MAST4: variants seen among roughly 807,000 people sequenced by gnomAD.
The protein encoded by MAST4 is microtubule associated serine/threonine kinase family member 4, also known as microtubule-associated serine/threonine-protein kinase 4.
A neutral mutation model predicts 162.7 loss-of-function variants in MAST4; 89 were observed. That is an observed-to-expected ratio of 0.55 (90% CI 0.46 to 0.65). The LOEUF is 0.65. Ranked by LOEUF, MAST4 falls within the 30% of genes least tolerant of loss-of-function variation. The pLI, the probability that MAST4 is intolerant of heterozygous loss-of-function variation, is 0.00. For missense variants in MAST4, 3,153 were observed against 3,374.0 expected (o/e 0.93, Z 1.62); for synonymous variants, 1,479 against 1,361.1 (o/e 1.09, Z -1.91).
chr5:67,010,033 G>A (rs1477423803), intron 4 of MAST4, among the ~76,000 whole-genome samples: 1 of 152,178 alleles, frequency 6.6e-6, no homozygotes, highest in Non-Finnish European at 1.5e-5. Context: ...ACTTATGAGA[G>A]TGAGGCGGGG....
At chr5:66,651,367 C>T (rs1290786255) in intron 1 of MAST4, among the ~76,000 whole-genome samples, 2 of 151,934 alleles carry the variant, frequency 1.3e-5, no homozygotes, top group Non-Finnish European at 1.5e-5. Context: ...ATACTTTTCC[C>T]CCTGAGGACC....
intron 3 of MAST4, among the ~76,000 whole-genome samples, chr5:66,841,010 G>A (rs1193438786): frequency 6.6e-6 from 1 of 152,090 alleles, no homozygotes; most frequent in Admixed American, 6.6e-5. Context: ...TTGAATGTTG[G>A]CCCACCACTT....
At chr5:66,723,187 T>C (rs961393180) in intron 1 of MAST4, among the ~76,000 whole-genome samples, 1 of 152,174 alleles carries the variant, frequency 6.6e-6, no homozygotes, top group African/African-American at 2.4e-5. Context: ...TTAGGTACCA[T>C]TTTAAATCAG....
chr5:66,970,961 C>T (rs1747355587), intron 4 of MAST4, among the ~76,000 whole-genome samples: 1 of 152,202 alleles, frequency 6.6e-6, no homozygotes, highest in Non-Finnish European at 1.5e-5. Flanking sequence ...CTTTCAAAAC[C>T]TCCAGGTTTG....
Position 67,164,369 on chromosome 5 carries a change from G to A in MAST4, c.5190G>A (p.Gln1730=). 2 of 1,613,984 alleles carry A rather than the reference G, an allele frequency of 1.2e-6. No individual in the cohort carries two copies. The highest frequency in any genetic ancestry group is 8.5e-7 in the Non-Finnish European group (1 of 1,179,866). The change falls in exon 29 of 29, where the codon CAG becomes CAA. Residue 1730 remains glutamine, a synonymous_variant. Transcript: ENST00000403625. The surrounding 1 kb of genome is among the most constrained non-coding windows in gnomAD (Gnocchi z 5.3). ...CAGTCCGACCCACGGGTGGGCAGCA[G>A]GAGCCCCCGCCGGCTTCTGAGAGCC... ...GNPVRPTGGQ[Q]EPPPASESRA... is the part of the protein sequence containing the mutation.
intron 4 of MAST4, chr5:67,003,839 A>G (rs1751579093): frequency 6.6e-6 from 1 of 152,152 alleles, no homozygotes; most frequent in Admixed American, 6.5e-5. Context: ...GGGGCTCACC[A>G]TTACCTAGAT....
At chr5:66,676,755 CAT>C in intron 1 of MAST4, among the ~76,000 whole-genome samples, 2 of 152,282 alleles carry the variant, frequency 1.3e-5, no homozygotes, top group African/African-American at 4.8e-5. Context: ...TTATTTTAAA[CAT>C]ATTTTCATCC....
At chr5:67,059,999 C>G (rs945786123) in intron 5 of MAST4, among the ~76,000 whole-genome samples, 1 of 152,106 alleles carries the variant, frequency 6.6e-6, no homozygotes, top group Non-Finnish European at 1.5e-5. Flanking sequence ...CCTCTGCCTC[C>G]CACCCCACAA....
chr5:66,628,940 C>T lies in MAST4; in HGVS notation c.363+31922C>T, dbSNP rs114890949. Among the ~76,000 whole-genome samples the T allele has an allele frequency of 9.9e-4, 150 of 152,256 alleles. 1 individual carries two copies. Among genetic ancestry groups the T allele is most frequent in the African/African-American group, 3.5e-3 (147 of 41,536 alleles). On this transcript the variant is annotated intron_variant, in intron 1 of 28. Transcript: ENST00000403625. ...CCTGCAATAGATAGTCCAGAGTTAC[C>T]TAGAATTGTATAATATCTTACACTG...
chr5:66,718,871 T>C (rs979118413), intron 1 of MAST4, among the ~76,000 whole-genome samples: 11 of 152,346 alleles, frequency 7.2e-5, no homozygotes, highest in Middle Eastern at 3.4e-3. Flanking sequence ...TGAGTGCAGC[T>C]CTGCATTTTG....
At chr5:66,753,667 C>T (rs2149599302) in intron 1 of MAST4, among the ~76,000 whole-genome samples, 1 of 151,476 alleles carries the variant, frequency 6.6e-6, no homozygotes, top group African/African-American at 2.4e-5. Context: ...CAATAGCTTA[C>T]CAACCAAACA....
At position 66,840,752 on chromosome 5, in the gene MAST4, T is replaced by C. The variant is rs560764986; in HGVS notation, c.642+51958T>C. ...ATATACCCAGGGTAGCTACTGCCTG[T>C]TTACTCTGGGTCCCAGAACAAACCT... On this transcript the variant is annotated intron_variant, in intron 3 of 28. Transcript: ENST00000403625. Among the ~76,000 whole-genome samples the C allele has an allele frequency of 2.0e-3, 300 of 152,250 alleles. 1 individual carries two copies. The highest frequency in any genetic ancestry group is 3.0e-3 in the Non-Finnish European group (205 of 68,012).
intron 1 of MAST4, among the ~76,000 whole-genome samples, chr5:66,734,535 G>A (rs1043997184): frequency 6.6e-6 from 1 of 152,168 alleles, no homozygotes; most frequent in Admixed American, 6.5e-5. Flanking sequence ...ATGTATCTGT[G>A]AATCTGTATA....
At chr5:66,640,598 C>T (rs764278210) in intron 1 of MAST4, among the ~76,000 whole-genome samples, 7 of 152,290 alleles carry the variant, frequency 4.6e-5, no homozygotes, top group South Asian at 2.1e-4. Context: ...TGAGCCACCG[C>T]GCCCAGCCCA....
intron 1 of MAST4, among the ~76,000 whole-genome samples, chr5:66,604,538 C>A (rs1742754604): frequency 6.6e-6 from 1 of 152,166 alleles, no homozygotes; most frequent in African/African-American, 2.4e-5. Flanking sequence ...TTGGTTTGTG[C>A]TTTTGCGGTG....
chr5:66,798,269 T>C (rs1409807383), intron 3 of MAST4, among the ~76,000 whole-genome samples: 3 of 152,178 alleles, frequency 2.0e-5, no homozygotes, highest in Admixed American at 1.3e-4. Context: ...TTACTTGGGA[T>C]CTACTAAATC....
At chr5:66,693,302 C>T (rs1473049764) in intron 1 of MAST4, among the ~76,000 whole-genome samples, 1 of 151,888 alleles carries the variant, frequency 6.6e-6, no homozygotes, top group Admixed American at 6.6e-5. Flanking sequence ...TGTAAGGCAT[C>T]TAAAAAAAAT....
chr5:66,689,663 G>A (rs1470856248), intron 1 of MAST4, among the ~76,000 whole-genome samples: 1 of 152,076 alleles, frequency 6.6e-6, no homozygotes, highest in East Asian at 1.9e-4. Context: ...ATGTACGCTG[G>A]TTACCTTTTA....
chr5:66,945,039 T>C (rs1404566583), intron 4 of MAST4, among the ~76,000 whole-genome samples: 3 of 152,084 alleles, frequency 2.0e-5, no homozygotes, highest in African/African-American at 4.8e-5. Flanking sequence ...TGTCAGTCAT[T>C]GGGGAGGTCT....
Sources: allele counts gnomAD v4.1 joint callset (sites outside exome capture counted in the v4.1 genomes callset), GRCh38; gene constraint gnomAD v4.1.1; non-coding constraint Gnocchi (gnomAD v3.1); transcripts MANE v1.5; gene names NCBI Gene and HGNC (gene_info 2026-07-23, HGNC 2026-07-21).